HK1: variants seen among roughly 807,000 people sequenced by gnomAD.
HK1 encodes hexokinase-1.
A neutral mutation model predicts 91.6 loss-of-function variants in HK1; 28 were observed. The observed-to-expected ratio is 0.31, with a 90% CI of 0.23 to 0.42. HK1 has a LOEUF of 0.42. Among genes scored for constraint, HK1 ranks in the 10% least tolerant of loss-of-function variants. The pLI is 1.00. For synonymous variants in HK1, 430 were observed against 468.1 expected (o/e 0.92, Z 1.05); for missense variants, 770 against 1,219.8 (o/e 0.63, Z 5.49).
At chr10:69,285,292 C>T (rs1003846682) in intron 2 of HK1, among the ~76,000 whole-genome samples, 5 of 151,862 alleles carry the variant, frequency 3.3e-5, no homozygotes, top group Admixed American at 6.6e-5. Context: ...GGCGAGGTGG[C>T]GGGCGCCTGT....
intron 3 of HK1, among the ~76,000 whole-genome samples, chr10:69,292,896 C>A (rs1845362028): frequency 6.6e-6 from 1 of 152,132 alleles, no homozygotes. Context: ...ACTTGGGGCT[C>A]CCCAGAAAGT....
chr10:69,360,009 C>T lies in HK1; in HGVS notation c.339C>T (p.Asp113=). The T allele has an allele frequency of 5.0e-6, 8 of 1,614,186 alleles. No individual in the cohort carries two copies. The highest frequency in any genetic ancestry group is 6.8e-6 in the Non-Finnish European group (8 of 1,179,994). The change falls in exon 3 of 18, where the codon GAC becomes GAT. Residue 113 remains aspartate, a synonymous_variant. Transcript: ENST00000359426. ...QNVHMESEVY[D]TPENIVHGSG... is the part of the protein sequence containing the mutation. ...TTCACATGGAGTCCGAGGTTTATGA[C>T]ACCCCAGAGAACATCGTGCACGGCA... is the stretch of plus-strand genomic sequence containing the variant.
At chr10:69,383,476 A>G (rs751667277) in intron 10 of HK1, among the ~76,000 whole-genome samples, 5 of 152,222 alleles carry the variant, frequency 3.3e-5, no homozygotes, top group Non-Finnish European at 7.3e-5. Flanking sequence ...TGTGACAGGA[A>G]TGTGTCCTAT....
At chr10:69,285,870 C>T (rs533508344) in intron 2 of HK1, among the ~76,000 whole-genome samples, 6 of 152,346 alleles carry the variant, frequency 3.9e-5, no homozygotes, top group Non-Finnish European at 5.9e-5. Flanking sequence ...ACCTTCAAAG[C>T]GAATGCCCTG....
intron 1 of HK1, among the ~76,000 whole-genome samples, chr10:69,334,098 C>T (rs1222085636): frequency 3.9e-5 from 6 of 151,950 alleles, no homozygotes; most frequent in South Asian, 2.1e-4. Flanking sequence ...GGTGACAAAG[C>T]GAGACTCTGT....
In HK1 at chr10:69,318,907, A is replaced by C; in HGVS notation, c.-41A>C. 6.4e-7 allele frequency: 1 copy of C among 1,554,394 alleles called. No homozygotes were observed. The highest frequency in any genetic ancestry group is 8.7e-7 in the Non-Finnish European group (1 of 1,150,884). The stretch of plus-strand genomic sequence containing the variant: ...GGCTCGCCAGGGCTGCGGAGGACCG[A>C]CCGTCCCCACGCCTGCCGCCCCGCG... On this transcript the variant is annotated 5_prime_UTR_variant, in exon 1 of 18. Coordinates refer to ENST00000359426, the MANE Select transcript of HK1 (RefSeq NM_000188.3).
In HK1 at chr10:69,401,562, C is replaced by A; in HGVS notation, c.*427C>A. On this transcript the variant is annotated 3_prime_UTR_variant, in exon 18 of 18. Transcript: ENST00000359426. The stretch of plus-strand genomic sequence containing the variant: ...ATTATCACCAGCAGACACTGCCGGG[C>A]CTCCCTCCCGGGGGCACTGCCTGAA... 1 of 354,366 alleles carries A rather than the reference C, an allele frequency of 2.8e-6. No homozygotes were observed. The highest frequency in any genetic ancestry group is 2.1e-5 in the South Asian group (1 of 46,980). 22.0% of individuals were successfully genotyped at this position (354,366 alleles called of 1,614,324 possible). A position where few individuals can be genotyped will look rare whatever the true frequency, so the allele number is the denominator to read the frequency against.
At chr10:69,281,640 A>AT (rs1844755686) in intron 1 of HK1, among the ~76,000 whole-genome samples, 1 of 152,206 alleles carries the variant, frequency 6.6e-6, no homozygotes, top group Admixed American at 6.5e-5. Context: ...GATTTGTGTG[A>AT]TTTCTTAATC....
rs750289231 is a variant in HK1 at position 69,382,583 on chromosome 10, C to T, written c.1362C>T (p.Ala454=). The change falls in exon 10 of 18, where the codon GCC becomes GCT. Residue 454 remains alanine, a synonymous_variant. Coordinates refer to ENST00000359426, the MANE Select transcript of HK1 (RefSeq NM_000188.3). ...AGAGTGGCAGCGGCAAGGGGGCTGC[C>T]ATGGTGACGGCGGTGGCCTACCGCT... ...LSESGSGKGA[A]MVTAVAYRLA... 5.6e-6 allele frequency: 9 copies of T among 1,614,072 alleles called. No individual in the cohort carries two copies. Among genetic ancestry groups the T allele is most frequent in the Non-Finnish European group, 7.6e-6 (9 of 1,180,048 alleles).
At chr10:69,392,780 T>A (rs1392743689) in intron 15 of HK1, among the ~76,000 whole-genome samples, 4 of 152,098 alleles carry the variant, frequency 2.6e-5, no homozygotes. Context: ...CTGCCCTTTG[T>A]CTCAAGCCCC....
chr10:69,334,026 G>C (rs370198096), intron 1 of HK1, among the ~76,000 whole-genome samples: 1 of 152,084 alleles, frequency 6.6e-6, no homozygotes, highest in African/African-American at 2.4e-5. Flanking sequence ...CAGGAGAATC[G>C]CTTGAACCCG....
chr10:69,273,630 G>A (rs1267211969), intron 1 of HK1, among the ~76,000 whole-genome samples: 2 of 152,228 alleles, frequency 1.3e-5, no homozygotes, highest in East Asian at 1.9e-4. Flanking sequence ...GGGATTACAG[G>A]CATGAGCCAC....
chr10:69,319,209 AG>A (rs1846861313), intron 1 of HK1, 199 bp downstream of exon 1: 3 of 681,178 alleles, frequency 4.4e-6, no homozygotes, highest in East Asian at 5.5e-5. Context: ...CGTTTTTGGG[AG>A]GGGGGCAATC....
chr10:69,337,721 T>C (rs1848061065), intron 1 of HK1, among the ~76,000 whole-genome samples: 2 of 152,180 alleles, frequency 1.3e-5, no homozygotes, highest in Non-Finnish European at 2.9e-5. Flanking sequence ...GAAAGTTCAT[T>C]TTAAAGGCCT....
intron 1 of HK1, among the ~76,000 whole-genome samples, chr10:69,322,541 G>A (rs917966654): frequency 6.6e-6 from 1 of 152,048 alleles, no homozygotes; most frequent in African/African-American, 2.4e-5. Context: ...GGTTGCCCAA[G>A]GTACATTCCT....
intron 1 of HK1, chr10:69,278,511 G>A (rs1384888099): frequency 1.3e-5 from 2 of 152,234 alleles, no homozygotes; most frequent in African/African-American, 2.4e-5. Flanking sequence ...TGATTTCTGA[G>A]TCTGCTTTCC....
intron 4 of HK1, among the ~76,000 whole-genome samples, chr10:69,366,237 C>T (rs757193064): frequency 1.3e-5 from 2 of 152,174 alleles, no homozygotes; most frequent in African/African-American, 2.4e-5. Context: ...AACTGAGTCT[C>T]AGAGGGGCTA....
At chr10:69,370,933 C>G (rs1564548797) in intron 7 of HK1, among the ~76,000 whole-genome samples, 1 of 152,122 alleles carries the variant, frequency 6.6e-6, no homozygotes, top group Non-Finnish European at 1.5e-5. Context: ...TCTGATCTAC[C>G]CAGCCTCCCA....
At chr10:69,363,014 A>G (rs77802394) in intron 3 of HK1, among the ~76,000 whole-genome samples, 7,293 of 152,272 alleles carry the variant, frequency 0.048, 589 homozygotes, top group African/African-American at 0.17. Context: ...CTGGGGAAAG[A>G]TGGGAACAGC....
Sources: gnomAD v4.1 joint callset for allele counts (sites outside exome capture counted in the v4.1 genomes callset) on GRCh38, gnomAD v4.1.1 for gene constraint, MANE v1.5 for transcripts, NCBI Gene and HGNC (gene_info 2026-07-23, HGNC 2026-07-21) for gene names.